The following CHCHD3 variants were observed in gnomAD, a reference collection of about 807,000 sequenced individuals.
CHCHD3 encodes MICOS complex subunit MIC19.
Under a neutral mutation model 38.2 loss-of-function variants are expected in CHCHD3, and 20 were observed. The observed-to-expected ratio is 0.52, with a 90% CI of 0.37 to 0.76. The LOEUF is 0.76. Ranked by LOEUF, CHCHD3 falls within the 30% of genes least tolerant of loss-of-function variation. The pLI is 0.00. For missense variants in CHCHD3, 245 were observed against 279.2 expected, an observed-to-expected ratio of 0.88 and a Z score of 0.87; for synonymous variants, 82 against 100.0, an observed-to-expected ratio of 0.82 and a Z score of 1.07.
intron 2 of CHCHD3, among the ~76,000 whole-genome samples, chr7:133,031,448 A>C (rs1207500748): frequency 6.6e-6 from 1 of 152,126 alleles, no homozygotes; most frequent in Non-Finnish European, 1.5e-5. Context: ...ACCTCAAGGA[A>C]CATACTAATT....
intron 6 of CHCHD3, among the ~76,000 whole-genome samples, chr7:132,821,462 C>T (rs943665379): frequency 6.6e-6 from 1 of 151,994 alleles, no homozygotes; most frequent in African/African-American, 2.4e-5. Flanking sequence ...TTTCATTGTA[C>T]CTATATTGAC....
At chr7:133,058,232 C>G (rs1441206619) in intron 2 of CHCHD3, among the ~76,000 whole-genome samples, 1 of 151,098 alleles carries the variant, frequency 6.6e-6, no homozygotes, top group African/African-American at 2.4e-5. Context: ...GCTAAAAGCA[C>G]AAGTTTCTTT....
intron 4 of CHCHD3, among the ~76,000 whole-genome samples, chr7:132,931,190 CT>C (rs1410442584): frequency 6.6e-6 from 1 of 152,222 alleles, no homozygotes. Flanking sequence ...AGTTACTGAA[CT>C]TTTTGATTCG....
chr7:132,794,712 T>C (rs1423074229), intron 7 of CHCHD3, among the ~76,000 whole-genome samples: 1 of 152,186 alleles, frequency 6.6e-6, no homozygotes, highest in Non-Finnish European at 1.5e-5. Flanking sequence ...TCATTAATAA[T>C]AATTTGATGC....
chr7:132,983,556 G>A (rs1811976034), intron 3 of CHCHD3, among the ~76,000 whole-genome samples: 1 of 152,146 alleles, frequency 6.6e-6, no homozygotes, highest in African/African-American at 2.4e-5. Context: ...GCTAATCATC[G>A]AGTGAGCAGT....
intron 5 of CHCHD3, among the ~76,000 whole-genome samples, chr7:132,852,028 T>C (rs1489792854): frequency 6.6e-6 from 1 of 152,212 alleles, no homozygotes; most frequent in Non-Finnish European, 1.5e-5. Context: ...AAGCCATAAA[T>C]GATCAGCCTT....
At chr7:133,022,321 T>C in intron 3 of CHCHD3, 2 of 452,768 alleles carry the variant, frequency 4.4e-6, no homozygotes, top group Non-Finnish European at 4.4e-6. Context: ...GCAGGGTATA[T>C]ACCATATGAG....
intron 7 of CHCHD3, among the ~76,000 whole-genome samples, chr7:132,794,986 T>C (rs1806569397): frequency 6.6e-6 from 1 of 152,240 alleles, no homozygotes. Context: ...CCTATAAATA[T>C]ATACCATTGA....
intron 2 of CHCHD3, among the ~76,000 whole-genome samples, chr7:133,025,010 C>CA (rs532315180): frequency 2.3e-4 from 34 of 150,214 alleles, no homozygotes; most frequent in South Asian, 4.2e-4. Context: ...AAGAAAATGA[C>CA]AAAAAAAAAT....
intron 6 of CHCHD3, among the ~76,000 whole-genome samples, chr7:132,824,227 A>T (rs1807449536): frequency 6.6e-6 from 1 of 151,920 alleles, no homozygotes; most frequent in Non-Finnish European, 1.5e-5. Context: ...AGAAACAATG[A>T]CCAACTCAAA....
chr7:132,812,188 T>C (rs1272468053), intron 6 of CHCHD3, among the ~76,000 whole-genome samples: 1 of 87,654 alleles, frequency 1.1e-5, no homozygotes, highest in African/African-American at 4.8e-5. Context: ...GACCACTTCC[T>C]TTTTTTCTTT....
At chr7:132,946,085 A>G (rs1269745069) in intron 4 of CHCHD3, among the ~76,000 whole-genome samples, 1 of 151,942 alleles carries the variant, frequency 6.6e-6, no homozygotes, top group Non-Finnish European at 1.5e-5. Flanking sequence ...CATACTGATG[A>G]TTACTATATT....
chr7:132,841,624 T>C (rs898737521), intron 5 of CHCHD3, among the ~76,000 whole-genome samples: 5 of 152,102 alleles, frequency 3.3e-5, no homozygotes, highest in Admixed American at 3.3e-4. Context: ...TGAAAAGTAA[T>C]GAACAAGAAT....
intron 4 of CHCHD3, among the ~76,000 whole-genome samples, chr7:132,917,226 C>G (rs1036291202): frequency 2.0e-5 from 3 of 152,072 alleles, no homozygotes; most frequent in Non-Finnish European, 4.4e-5. Flanking sequence ...AAACAACAGA[C>G]TTTCCATCTA....
intron 2 of CHCHD3, among the ~76,000 whole-genome samples, chr7:133,039,370 C>T (rs1323310864): frequency 6.6e-6 from 1 of 152,192 alleles, no homozygotes; most frequent in Non-Finnish European, 1.5e-5. Flanking sequence ...CTAAATTACT[C>T]ATTCCTTATA....
At chr7:133,079,051 TA>T (rs1347549183) in intron 1 of CHCHD3, among the ~76,000 whole-genome samples, 2 of 151,984 alleles carry the variant, frequency 1.3e-5, no homozygotes, top group Non-Finnish European at 2.9e-5. Flanking sequence ...TATAAAGAAA[TA>T]AAAACCATCT....
intron 6 of CHCHD3, among the ~76,000 whole-genome samples, chr7:132,825,467 C>G (rs1807486753): frequency 6.6e-6 from 1 of 152,222 alleles, no homozygotes; most frequent in South Asian, 2.1e-4. Context: ...CATGACAAAG[C>G]ATTTGGTTCC....
At chr7:132,898,465 T>C (rs747119235) in intron 4 of CHCHD3, among the ~76,000 whole-genome samples, 7 of 152,258 alleles carry the variant, frequency 4.6e-5, no homozygotes, top group African/African-American at 4.8e-5. Context: ...AGAGTGTCGA[T>C]TGGTGCATTC....
chr7:133,011,961 G>C (rs1396037453), intron 3 of CHCHD3, among the ~76,000 whole-genome samples: 1 of 152,092 alleles, frequency 6.6e-6, no homozygotes, highest in Non-Finnish European at 1.5e-5. Context: ...GTATTGCTCT[G>C]CCACCCAGGC....
Sources: allele counts gnomAD v4.1 joint callset (sites outside exome capture counted in the v4.1 genomes callset), GRCh38; gene constraint gnomAD v4.1.1; transcripts MANE v1.5; gene names NCBI Gene and HGNC (gene_info 2026-07-23, HGNC 2026-07-21).